The following UNC13B variants were observed in gnomAD, a reference collection of about 807,000 sequenced individuals.
The protein encoded by UNC13B is unc-13 homolog B.
In UNC13B, 144 loss-of-function variants were observed where a neutral mutation model predicts 211.0. That is an observed-to-expected ratio of 0.68 (90% CI 0.60 to 0.78). The LOEUF (loss-of-function observed/expected upper bound fraction) is 0.78. UNC13B is among the 30% of genes least tolerant of loss of function. The pLI is 0.00. For missense variants in UNC13B, 1,777 were observed against 2,002.0 expected (o/e 0.89, Z 2.14); for synonymous variants, 709 against 725.8 (o/e 0.98, Z 0.37).
At chr9:35,333,291 C>G (rs1455187909) in intron 11 of UNC13B, among the ~76,000 whole-genome samples, 2 of 152,054 alleles carry the variant, frequency 1.3e-5, no homozygotes, top group Non-Finnish European at 2.9e-5. Context: ...AGTTTATCCT[C>G]AAAAAAATTA....
intron 11 of UNC13B, 36 bp from the exon 12 acceptor site, chr9:35,366,910 TC>T (rs1325271015): frequency 6.9e-6 from 11 of 1,585,702 alleles, no homozygotes; most frequent in Non-Finnish European, 9.5e-6. Context: ...CTCCCATCTT[TC>T]CCAGGATCTA....
chr9:35,336,162 C>G (rs575749462), intron 11 of UNC13B, among the ~76,000 whole-genome samples: 19 of 152,160 alleles, frequency 1.2e-4, no homozygotes, highest in Non-Finnish European at 2.8e-4. Context: ...CTACCTCAGT[C>G]CTCTTTCATG....
intron 1 of UNC13B, 174 bp from the exon 2 acceptor site, chr9:35,227,841 C>T (rs551827646): frequency 5.9e-6 from 3 of 510,840 alleles, no homozygotes; most frequent in African/African-American, 4.0e-5. Context: ...TTTAAGGTCT[C>T]GTCTGACTCT....
At chr9:35,267,346 G>A (rs538731442) in intron 7 of UNC13B, among the ~76,000 whole-genome samples, 8 of 152,202 alleles carry the variant, frequency 5.3e-5, no homozygotes, top group Non-Finnish European at 7.3e-5. Context: ...CTCTGTGTCC[G>A]AGTGACTAAG....
At chr9:35,259,765 ATGTGTGTGTG>A (rs59824348) in intron 7 of UNC13B, among the ~76,000 whole-genome samples, 3 of 92,384 alleles carry the variant, frequency 3.2e-5, no homozygotes, top group African/African-American at 4.4e-5. Context: ...AACCTGTGAT[ATGTGTGTGTG>A]TGTGTGTGTG....
chr9:35,281,942 G>C (rs1036586660), intron 7 of UNC13B, among the ~76,000 whole-genome samples: 1 of 152,138 alleles, frequency 6.6e-6, no homozygotes, highest in Non-Finnish European at 1.5e-5. Flanking sequence ...AGAAGAGTGG[G>C]GAAGGGTCAG....
chr9:35,293,646 T>G, intron 7 of UNC13B, among the ~76,000 whole-genome samples: 1 of 152,236 alleles, frequency 6.6e-6, no homozygotes, highest in East Asian at 1.9e-4. Flanking sequence ...GGTCCTATTT[T>G]TCTTGTCTTC....
In UNC13B at chr9:35,364,064, A is replaced by T. The variant is rs533077502; in HGVS notation, c.9415-2883A>T. Among the ~76,000 whole-genome samples the T allele has an allele frequency of 8.5e-5, 13 of 152,282 alleles. No individual in the cohort carries two copies. The South Asian group carries it at 2.5e-3, about 29-fold the overall frequency. ...ATGCATGGCCAAGCCTGCATTGCAA[A>T]ATGGAAAAGGCTCAGTCACCAGGGC... On this transcript the variant is annotated intron_variant, in intron 11 of 39. Transcript: ENST00000635942.
Position 35,390,666 on chromosome 9 carries a change from GA to G in UNC13B, c.11262del (p.Val3755Ter), listed in dbSNP as rs1297165517. The G allele has an allele frequency of 6.2e-7, 1 of 1,614,174 alleles. No individual in the cohort carries two copies. ...GTTGAATGTGGGAAAAGTCAGCGCA[GA>G]AGTGATGTGGCATTTGTTTGCCCAA... is the stretch of plus-strand genomic sequence containing the variant. ...QELNVGKVSAEVMWHLFAQDM... is the reference protein window; with the variant it reads ...QELNVGKVSAXVMWHLFAQDM... On this transcript the variant is annotated frameshift_variant, in exon 26 of 40. Transcript: ENST00000635942. LOFTEE classifies it high-confidence loss of function.
At position 35,390,661 on chromosome 9, in the gene UNC13B, G is replaced by C. The variant is rs764610901; in HGVS notation, c.11255G>C (p.Ser3752Thr). Residue 3752 changes from serine (S) to threonine (T), a missense_variant, in exon 26 of 40, where the codon AGC becomes ACC. Transcript: ENST00000635942. Reference sequence around the variant, plus strand: ...CAGGAGTTGAATGTGGGAAAAGTCAGCGCAGAAGTGATGTGGCATTTGTTT... The same window carrying C: ...CAGGAGTTGAATGTGGGAAAAGTCACCGCAGAAGTGATGTGGCATTTGTTT... ...FPQELNVGKV[S>T]AEVMWHLFAQ... is the part of the protein sequence containing the mutation. 6.2e-7 allele frequency: 1 copy of C among 1,614,156 alleles called. No homozygotes were observed. Among genetic ancestry groups the C allele is most frequent in the Non-Finnish European group, 8.5e-7 (1 of 1,180,024 alleles).
intron 11 of UNC13B, among the ~76,000 whole-genome samples, chr9:35,344,729 A>G (rs1417176753): frequency 6.6e-6 from 1 of 152,200 alleles, no homozygotes; most frequent in Non-Finnish European, 1.5e-5. Flanking sequence ...CCCTGCCTAA[A>G]GACTTTCAAA....
chr9:35,243,513 C>A, intron 6 of UNC13B, 149 bp downstream of exon 6: 2 of 739,998 alleles, frequency 2.7e-6, no homozygotes, highest in Non-Finnish European at 4.5e-6. Context: ...TAGAAGATTG[C>A]CTGAAATGTC....
chr9:35,250,595 G>C (rs767073084), intron 6 of UNC13B, among the ~76,000 whole-genome samples: 1 of 152,112 alleles, frequency 6.6e-6, no homozygotes, highest in Non-Finnish European at 1.5e-5. Context: ...CTGCTTGTTA[G>C]CTGTTATGGA....
At chr9:35,367,426 C>G (rs1177484411) in intron 12 of UNC13B, among the ~76,000 whole-genome samples, 3 of 152,158 alleles carry the variant, frequency 2.0e-5, no homozygotes, top group African/African-American at 7.2e-5. Context: ...TATTTTGATA[C>G]AGGCATACAG....
chr9:35,242,728 A>C (rs1243736033), intron 5 of UNC13B, among the ~76,000 whole-genome samples: 1 of 152,196 alleles, frequency 6.6e-6, no homozygotes, highest in Non-Finnish European at 1.5e-5. Context: ...GGCTATTGTG[A>C]ATAATGCTAC....
At position 35,301,290 on chromosome 9, in the gene UNC13B, T is replaced by C. The variant is rs1829670330; in HGVS notation, c.1886T>C (p.Leu629Ser). Reference protein sequence around the residue: ...NEHMGNKTGSLYFQNTTESIA... With the variant: ...NEHMGNKTGSSYFQNTTESIA... ...CACATGGGTAATAAAACTGGGAGTT[T>C]ATACTTTCAGAATACAACAGAAAGT... Residue 629 changes from leucine (L) to serine (S), a missense_variant, in exon 9 of 40, where the codon TTA (leucine) becomes TCA (serine). Transcript: ENST00000635942. 5.0e-6 allele frequency: 2 copies of C among 398,762 alleles called. No homozygotes were observed. The highest frequency in any genetic ancestry group is 2.1e-5 in the African/African-American group (1 of 48,626). The allele number at this position is 398,762 out of a possible 1,614,324, so 24.7% of individuals were successfully genotyped here.
chr9:35,302,784 A>G lies in UNC13B; in HGVS notation c.3380A>G (p.Asn1127Ser), dbSNP rs769947917. The change falls in exon 9 of 40, where the codon AAT becomes AGT. Residue 1127 changes from asparagine (N) to serine (S), a missense_variant. Asn to Ser is a conservative substitution (Grantham distance 46). Coordinates refer to ENST00000635942, the MANE Select transcript of UNC13B (RefSeq NM_001371189.2). ...ISTTSKSTLV[N>S]EINEDEVIDK... ...ACCACTTCCAAATCCACTTTGGTTA[A>G]TGAAATTAATGAAGATGAGGTTATA... is the stretch of plus-strand genomic sequence containing the variant. 1 of 398,592 alleles carries G rather than the reference A, an allele frequency of 2.5e-6. No individual in the cohort carries two copies. The highest frequency in any genetic ancestry group is 1.3e-4 in the South Asian group (1 of 7,866). 24.7% of individuals were successfully genotyped at this position (398,592 alleles called of 1,614,324 possible).
intron 1 of UNC13B, 148 bp downstream of exon 1, chr9:35,162,453 A>G: frequency 9.1e-7 from 1 of 1,094,400 alleles, no homozygotes; most frequent in Non-Finnish European, 1.3e-6. Flanking sequence ...CTTAACAATC[A>G]CTTGAGTTCT....
intron 6 of UNC13B, among the ~76,000 whole-genome samples, chr9:35,252,609 A>T (rs1257679688): frequency 6.6e-6 from 1 of 150,970 alleles, no homozygotes; most frequent in Non-Finnish European, 1.5e-5. Flanking sequence ...GGCTGGTCTG[A>T]TAGTCTAATT....
Sources: gnomAD v4.1 joint callset for allele counts (sites outside exome capture counted in the v4.1 genomes callset) on GRCh38, gnomAD v4.1.1 for gene constraint, MANE v1.5 for transcripts, NCBI Gene and HGNC (gene_info 2026-07-23, HGNC 2026-07-21) for gene names.